PCDHGB2: variants seen among roughly 807,000 people sequenced by gnomAD.
PCDHGB2 encodes the protein protocadherin gamma-B2.
Under a neutral mutation model 59.3 loss-of-function variants are expected in PCDHGB2, and 55 were observed. That is an observed-to-expected ratio of 0.93 (90% CI 0.75 to 1.16). PCDHGB2 has a LOEUF of 1.16. Among genes scored for constraint, PCDHGB2 ranks in the 50% most tolerant of loss-of-function variants. The pLI, the probability that PCDHGB2 is intolerant of heterozygous loss-of-function variation, is 0.00. For synonymous variants in PCDHGB2, 516 were observed against 512.0 expected, an observed-to-expected ratio of 1.01 and a Z score of -0.11; for missense variants, 1,228 against 1,198.5, an observed-to-expected ratio of 1.02 and a Z score of -0.36.
At chr5:141,419,617 C>G (rs780077182) in intron 1 of PCDHGB2, 1 of 1,612,280 alleles carries the variant, frequency 6.2e-7, no homozygotes. Flanking sequence ...AGCCAGGCTA[C>G]CTGGTGACCA....
chr5:141,382,921 G>C (rs774998092), intron 1 of PCDHGB2: 4 of 1,560,206 alleles, frequency 2.6e-6, no homozygotes, highest in East Asian at 2.3e-5. Context: ...GCCGAGGGGC[G>C]GGGACTACAG....
intron 1 of PCDHGB2, among the ~76,000 whole-genome samples, chr5:141,406,662 A>G (rs1357382326): frequency 6.6e-6 from 1 of 152,208 alleles, no homozygotes; most frequent in Non-Finnish European, 1.5e-5. Flanking sequence ...TTAATGTTAA[A>G]TTATGGAGAA....
At chr5:141,410,818 T>G in intron 1 of PCDHGB2, 2 of 556,016 alleles carry the variant, frequency 3.6e-6, no homozygotes, top group Non-Finnish European at 5.8e-6. Context: ...TGTAAAATAA[T>G]GTCACCAGAC....
chr5:141,386,030 A>G (rs2090434667), intron 1 of PCDHGB2: 1 of 152,256 alleles, frequency 6.6e-6, no homozygotes, highest in African/African-American at 2.4e-5. Flanking sequence ...CATTTGTGAC[A>G]TAGGCAATTA....
At chr5:141,419,477 C>G (rs760970548) in intron 1 of PCDHGB2, 1 of 1,612,420 alleles carries the variant, frequency 6.2e-7, no homozygotes, top group Non-Finnish European at 8.5e-7. Flanking sequence ...CCAGGGCTCG[C>G]CCGCGCTCAG....
chr5:141,384,294 C>A, intron 1 of PCDHGB2: 1 of 1,613,864 alleles, frequency 6.2e-7, no homozygotes. Context: ...CTGAGAACAA[C>A]CCCAGAGGGG....
intron 1 of PCDHGB2, among the ~76,000 whole-genome samples, chr5:141,482,914 A>G (rs1023561837): frequency 6.6e-6 from 1 of 152,162 alleles, no homozygotes; most frequent in Non-Finnish European, 1.5e-5. Context: ...TCTATTAAAA[A>G]TACAAAAAAT....
intron 1 of PCDHGB2, chr5:141,394,966 G>C (rs758463890): frequency 1.9e-6 from 3 of 1,613,768 alleles, no homozygotes; most frequent in Admixed American, 3.3e-5. Context: ...AGGCTGAGGC[G>C]CTGGCACAAG....
chr5:141,431,190 A>G lies in PCDHGB2; in HGVS notation c.2422-63617A>G, dbSNP rs1363655439. 1 of 1,614,228 alleles carries G rather than the reference A, an allele frequency of 6.2e-7. No homozygotes were observed. Among genetic ancestry groups the G allele is most frequent in the Non-Finnish European group, 8.5e-7 (1 of 1,180,038 alleles). ...AGTGAATTAGAAATAAAAATTAGTGAAAATGCAGCCACTGAGATGCGGTTC... is the reference window on the plus strand; with the variant it reads ...AGTGAATTAGAAATAAAAATTAGTGGAAATGCAGCCACTGAGATGCGGTTC... On this transcript the variant is annotated intron_variant, in intron 1 of 3. Transcript: ENST00000522605. This position sits in a 1 kb window ranked among gnomAD's most constrained non-coding sequence, Gnocchi z 4.8.
chr5:141,396,620 A>C (rs1222901061), intron 1 of PCDHGB2: 1 of 142,662 alleles, frequency 7.0e-6, no homozygotes, highest in Admixed American at 7.0e-5. Flanking sequence ...ACTCCGTCTC[A>C]AAAAAAAAAA....
intron 1 of PCDHGB2, chr5:141,393,313 T>G: frequency 1.2e-6 from 2 of 1,613,324 alleles, no homozygotes; most frequent in Non-Finnish European, 1.7e-6. Flanking sequence ...GTGAACTCCC[T>G]CCAGAGCTAC....
Position 141,511,606 on chromosome 5 carries a change from G to A in PCDHGB2, c.*433G>A, listed in dbSNP as rs1160129762. The stretch of plus-strand genomic sequence containing the variant: ...TGTTGAAGTACCAAGTAACCTACAA[G>A]CCTCCTAGTTCTGAAAAGTTGGAAG... On this transcript the variant is annotated 3_prime_UTR_variant, in exon 4 of 4. Transcript: ENST00000522605. 2 of 248,594 alleles carry A rather than the reference G, an allele frequency of 8.0e-6. No individual in the cohort carries two copies. Among genetic ancestry groups the A allele is most frequent in the Non-Finnish European group, 1.6e-5 (2 of 123,946 alleles). 15.4% of individuals were successfully genotyped at this position (248,594 alleles called of 1,614,324 possible). A position where few individuals can be genotyped will look rare whatever the true frequency, so the allele number is the denominator to read the frequency against.
intron 1 of PCDHGB2, chr5:141,423,330 C>G (rs932335651): frequency 9.9e-6 from 16 of 1,614,056 alleles, no homozygotes; most frequent in Middle Eastern, 1.6e-4. Flanking sequence ...TGGCCGCAGT[C>G]TCCTGCATCT....
intron 1 of PCDHGB2, chr5:141,416,504 C>G (rs966090979): frequency 1.3e-5 from 2 of 152,040 alleles, no homozygotes; most frequent in African/African-American, 4.8e-5. Flanking sequence ...AGATATATGA[C>G]AAAGCTATTT....
chr5:141,478,911 T>TA, intron 1 of PCDHGB2: 1 of 871,162 alleles, frequency 1.1e-6, no homozygotes, highest in Non-Finnish European at 1.7e-6. Flanking sequence ...AGCTGCTGGA[T>TA]ACCTCTAACC....
chr5:141,415,754 T>TTTTG, intron 1 of PCDHGB2: 1 of 1,385,736 alleles, frequency 7.2e-7, no homozygotes, highest in Non-Finnish European at 9.3e-7. Flanking sequence ...TTTTTTTTTT[T>TTTTG]TTTTTTTTTT....
chr5:141,483,872 T>A (rs1373802168), intron 1 of PCDHGB2, among the ~76,000 whole-genome samples: 1 of 152,080 alleles, frequency 6.6e-6, no homozygotes, highest in African/African-American at 2.4e-5. Context: ...CAGATCAGGA[T>A]GGATTTTTCT....
At chr5:141,388,216 A>G (rs1391427454) in intron 1 of PCDHGB2, 1 of 1,598,862 alleles carries the variant, frequency 6.3e-7, no homozygotes, top group African/African-American at 1.4e-5. Flanking sequence ...GCTGTTGCTG[A>G]AAATCCACTG....
chr5:141,395,657 T>C (rs1400217115), intron 1 of PCDHGB2: 1 of 162,996 alleles, frequency 6.1e-6, no homozygotes, highest in African/African-American at 2.4e-5. Context: ...TTAGCAAAAG[T>C]AAAATATATC....
Sources: gnomAD v4.1 joint callset for allele counts (sites outside exome capture counted in the v4.1 genomes callset) on GRCh38, gnomAD v4.1.1 for gene constraint, Gnocchi (gnomAD v3.1) non-coding constraint, MANE v1.5 for transcripts, NCBI Gene and HGNC (gene_info 2026-07-23, HGNC 2026-07-21) for gene names.